Variants in ACTR3C observed in about 807,000 individuals in gnomAD.
ACTR3C encodes actin related protein 3C.
ACTR3C carries 18 observed loss-of-function variants against 26.3 expected under a neutral mutation model. That is an observed-to-expected ratio of 0.68 (90% CI 0.47 to 1.01). The LOEUF is 1.01. Among genes scored for constraint, ACTR3C ranks in the 50% least tolerant of loss-of-function variants. The pLI, the probability that ACTR3C is intolerant of heterozygous loss-of-function variation, is 0.00. For missense variants in ACTR3C, 184 were observed against 250.7 expected, an observed-to-expected ratio of 0.73 and a Z score of 1.80; for synonymous variants, 55 against 94.5, an observed-to-expected ratio of 0.58 and a Z score of 2.42.
At chr7:150,037,922 G>T in the ACTR3C span, among the ~76,000 whole-genome samples, 148 of 138,264 alleles carry the variant, frequency 1.1e-3, 17 homozygotes, top group African/African-American at 3.6e-3. Flanking sequence ...CGCGTCGCGA[G>T]GGGTGCCTCC....
At chr7:150,198,916 G>A in the ACTR3C span, among the ~76,000 whole-genome samples, 3 of 141,274 alleles carry the variant, frequency 2.1e-5, no homozygotes, top group Non-Finnish European at 3.0e-5. Flanking sequence ...CAGCCGCCCC[G>A]TCCGGGAGGG....
downstream of ACTR3C, among the ~76,000 whole-genome samples, chr7:150,241,122 A>G (rs985880611): frequency 2.0e-5 from 3 of 152,070 alleles, no homozygotes; most frequent in Non-Finnish European, 2.9e-5. Flanking sequence ...ATTATTTGCC[A>G]TATAAATTGT....
chr7:150,308,580 A>C (rs533035996), intron 1 of ACTR3C, among the ~76,000 whole-genome samples: 1 of 151,838 alleles, frequency 6.6e-6, no homozygotes, highest in Non-Finnish European at 1.5e-5. Context: ...CCGCTTCTTC[A>C]GTCTCTACCC....
the ACTR3C span, among the ~76,000 whole-genome samples, chr7:150,222,293 C>G: frequency 6.6e-6 from 1 of 152,178 alleles, no homozygotes; most frequent in Non-Finnish European, 1.5e-5. Flanking sequence ...TTGGCTTTGC[C>G]GCCTCCTAGT....
chr7:150,015,682 C>G, the ACTR3C span, among the ~76,000 whole-genome samples: 2,581 of 133,372 alleles, frequency 0.019, 6 homozygotes, highest in South Asian at 0.026. Flanking sequence ...GATTTTCTCT[C>G]CTACCCACAT....
chr7:150,039,217 G>T, the ACTR3C span, among the ~76,000 whole-genome samples: 604 of 148,886 alleles, frequency 4.1e-3, no homozygotes, highest in Admixed American at 0.032. Flanking sequence ...CTGCGATGGG[G>T]GTCCTAAGAG....
the ACTR3C span, among the ~76,000 whole-genome samples, chr7:150,033,149 T>A: frequency 6.6e-6 from 1 of 152,260 alleles, no homozygotes; most frequent in Non-Finnish European, 1.5e-5. Context: ...ACAGGGTAGA[T>A]GAGTGTCCCC....
At chr7:150,245,018 G>A (rs1263949485), downstream of ACTR3C, 1 of 152,126 alleles carries the variant, frequency 6.6e-6, no homozygotes, top group East Asian at 1.9e-4. Context: ...GGCAAGATGT[G>A]GTTATATTAA....
At chr7:150,278,260 T>C (rs1296424941) in intron 6 of ACTR3C, among the ~76,000 whole-genome samples, 2 of 152,206 alleles carry the variant, frequency 1.3e-5, no homozygotes, top group Non-Finnish European at 2.9e-5. Context: ...CCGACCTGAG[T>C]TGATCTGAGT....
the ACTR3C span, among the ~76,000 whole-genome samples, chr7:149,982,009 G>A: frequency 6.6e-6 from 1 of 152,206 alleles, no homozygotes; most frequent in African/African-American, 2.4e-5. Context: ...ATGTAGCACA[G>A]ATATGAATGC....
At chr7:149,994,888 CTT>C in the ACTR3C span, among the ~76,000 whole-genome samples, 1 of 129,550 alleles carries the variant, frequency 7.7e-6, no homozygotes, top group African/African-American at 2.9e-5. Flanking sequence ...GAGTTTCGCT[CTT>C]GTTGCCCAGG....
the ACTR3C span, among the ~76,000 whole-genome samples, chr7:150,029,348 C>T: frequency 6.7e-6 from 1 of 148,296 alleles, no homozygotes; most frequent in African/African-American, 2.5e-5. Context: ...CTGCTTGAGC[C>T]CAGGAGTTTG....
At chr7:150,259,924 G>A (rs186977618) in intron 6 of ACTR3C, among the ~76,000 whole-genome samples, 18 of 152,268 alleles carry the variant, frequency 1.2e-4, no homozygotes, top group African/African-American at 4.3e-4. Flanking sequence ...CTTTGCTCAT[G>A]GTTCATCTTC....
intron 1 of ACTR3C, among the ~76,000 whole-genome samples, chr7:150,299,303 AGG>A (rs1287623140): frequency 6.6e-6 from 1 of 150,734 alleles, no homozygotes; most frequent in Non-Finnish European, 1.5e-5. Context: ...TTAAAAAACA[AGG>A]TGTGGTAGCC....
intron 1 of ACTR3C, among the ~76,000 whole-genome samples, chr7:150,300,984 C>G (rs1454475032): frequency 6.6e-6 from 1 of 152,102 alleles, no homozygotes; most frequent in Non-Finnish European, 1.5e-5. Context: ...AAGCTACCTC[C>G]TATCGATCTG....
At chr7:149,906,436 TTTTTTTTTTTTTTTA>T in the ACTR3C span, among the ~76,000 whole-genome samples, 4 of 98,944 alleles carry the variant, frequency 4.0e-5, no homozygotes, top group African/African-American at 1.1e-4. Context: ...TTTTTTTTTT[TTTTTTTTTTTTTTTA>T]GATGGAGCCT....
At chr7:150,202,020 G>A in the ACTR3C span, among the ~76,000 whole-genome samples, 1 of 152,032 alleles carries the variant, frequency 6.6e-6, no homozygotes, top group African/African-American at 2.4e-5. Flanking sequence ...TTTCACCCCC[G>A]ACCTCCTTCT....
the ACTR3C span, among the ~76,000 whole-genome samples, chr7:150,092,181 T>C: frequency 7.0e-6 from 1 of 143,702 alleles, no homozygotes; most frequent in African/African-American, 2.6e-5. Flanking sequence ...GAGAAAAGAT[T>C]TAAGCAATAT....
At chr7:150,193,594 C>T in the ACTR3C span, among the ~76,000 whole-genome samples, 1 of 151,972 alleles carries the variant, frequency 6.6e-6, no homozygotes, top group Non-Finnish European at 1.5e-5. Context: ...TTGTTCATTA[C>T]ACAAATTCTG....
Sources: gnomAD v4.1 joint callset for allele counts (sites outside exome capture counted in the v4.1 genomes callset) on GRCh38, gnomAD v4.1.1 for gene constraint, MANE v1.5 for transcripts, NCBI Gene and HGNC (gene_info 2026-07-23, HGNC 2026-07-21) for gene names.